Variants in NAV2 observed in about 807,000 individuals in gnomAD.
The protein encoded by NAV2 is neuron navigator 2, also known as helicase, APC down-regulated 1.
Under a neutral mutation model 223.2 loss-of-function variants are expected in NAV2, and 54 were observed. That is an observed-to-expected ratio of 0.24 (90% CI 0.19 to 0.30). NAV2 has a LOEUF of 0.30. Ranked by LOEUF, NAV2 falls within the 10% of genes least tolerant of loss-of-function variation. NAV2 has a pLI of 1.00. For synonymous variants in NAV2, 1,279 were observed against 1,239.3 expected (o/e 1.03, Z -0.67); for missense variants, 2,806 against 3,147.5 (o/e 0.89, Z 2.60).
intron 26 of NAV2, among the ~76,000 whole-genome samples, chr11:20,087,883 A>G (rs1390613101): frequency 1.3e-5 from 2 of 152,164 alleles, no homozygotes; most frequent in African/African-American, 2.4e-5. Context: ...GGAGTGAGTA[A>G]TGTACAAAGG....
At chr11:19,976,098 G>A (rs2049715426) in intron 10 of NAV2, among the ~76,000 whole-genome samples, 1 of 152,120 alleles carries the variant, frequency 6.6e-6, no homozygotes, top group Non-Finnish European at 1.5e-5. Flanking sequence ...AATATACGTA[G>A]AAGCACTTGC....
intron 1 of NAV2, among the ~76,000 whole-genome samples, chr11:19,495,006 C>T (rs1007401194): frequency 6.6e-6 from 1 of 152,132 alleles, no homozygotes; most frequent in Non-Finnish European, 1.5e-5. Flanking sequence ...GGTCAGGAAC[C>T]CCCTGACAGG....
At chr11:19,846,136 T>C (rs1214505892) in intron 3 of NAV2, among the ~76,000 whole-genome samples, 1 of 152,092 alleles carries the variant, frequency 6.6e-6, no homozygotes, top group Non-Finnish European at 1.5e-5. Flanking sequence ...CCACAAGAGA[T>C]GATGGGTGGA....
At chr11:19,994,439 C>T (rs927225374) in intron 11 of NAV2, among the ~76,000 whole-genome samples, 35 of 151,922 alleles carry the variant, frequency 2.3e-4, no homozygotes, top group African/African-American at 8.0e-4. Context: ...CCCAGCTGCG[C>T]AGCAGGCTGA....
chr11:19,731,065 T>C (rs1203694570), intron 1 of NAV2, among the ~76,000 whole-genome samples: 1 of 152,252 alleles, frequency 6.6e-6, no homozygotes, highest in Non-Finnish European at 1.5e-5. Flanking sequence ...GCATCCTCTA[T>C]TTTTATGTGC....
chr11:19,412,090 G>C (rs1347801058), intron 1 of NAV2, among the ~76,000 whole-genome samples: 1 of 152,138 alleles, frequency 6.6e-6, no homozygotes, highest in African/African-American at 2.4e-5. Context: ...CACTCCCCTG[G>C]AAAGGGAGCT....
intron 10 of NAV2, among the ~76,000 whole-genome samples, chr11:19,963,583 A>G (rs1419530238): frequency 6.6e-6 from 1 of 152,236 alleles, no homozygotes. Flanking sequence ...TGAGTTATGT[A>G]GGAACTGAAA....
intron 2 of NAV2, among the ~76,000 whole-genome samples, chr11:19,835,250 A>G (rs2060166348): frequency 6.6e-6 from 1 of 152,176 alleles, no homozygotes; most frequent in Non-Finnish European, 1.5e-5. Flanking sequence ...TGTCCAGGCC[A>G]CACCTGAGGC....
rs898044492 is a variant in NAV2 at position 19,452,838 on chromosome 11, T to C, written c.75+101811T>C. 2.8e-4 allele frequency among the ~76,000 whole-genome samples: 42 copies of C among 152,202 alleles called. 1 individual carries two copies. The highest frequency in any genetic ancestry group is 1.0e-3 in the African/African-American group (42 of 41,450). ...TTTGTACGATCATATAATCAAACCA[T>C]TGTAAGTCAGGGACCCTCTGTATTT... On this transcript the variant is annotated intron_variant, in intron 1 of 37. Coordinates refer to the NAV2 transcript ENST00000360655.
chr11:20,040,964 G>T (rs1001874612), intron 12 of NAV2, among the ~76,000 whole-genome samples: 3 of 152,194 alleles, frequency 2.0e-5, no homozygotes, highest in African/African-American at 7.2e-5. Context: ...AAGCTAGGGA[G>T]ATGTGATGGC....
chr11:20,040,925 T>C lies in NAV2; in HGVS notation c.2908-3056T>C, dbSNP rs777570295. On this transcript the variant is annotated intron_variant, in intron 12 of 37. Transcript: ENST00000349880. ...CATGTAGCTCATGAAGGATTCAGAG[T>C]AGAGCTGGGAAGGTGACCACCCTGG... Among the ~76,000 whole-genome samples the C allele has an allele frequency of 5.9e-5, 9 of 151,838 alleles. No homozygotes were observed. In the South Asian group the frequency reaches 1.7e-3, roughly 28 times the overall value.
At chr11:19,978,776 T>G (rs1206862232) in intron 10 of NAV2, 1 of 151,922 alleles carries the variant, frequency 6.6e-6, no homozygotes, top group Non-Finnish European at 1.5e-5. Context: ...AGAGGTGATT[T>G]CTGGTGAGAT....
At position 19,713,944 on chromosome 11, in the gene NAV2, A is replaced by G. The variant is rs1156289811; in HGVS notation, c.249A>G (p.Glu83=). 6.2e-7 allele frequency: 1 copy of G among 1,613,320 alleles called. No individual in the cohort carries two copies. The highest frequency in any genetic ancestry group is 8.5e-7 in the Non-Finnish European group (1 of 1,179,926). Residue 83 remains glutamate (E), a synonymous_variant, in exon 1 of 38, where the codon GAA becomes GAG. Coordinates refer to ENST00000349880, the MANE Select transcript of NAV2 (RefSeq NM_145117.5). This position sits in a 1 kb window ranked among gnomAD's most constrained non-coding sequence, Gnocchi z 7.2. ...CGCTGCGGAAGAGCGGCTCGGTGGAAAACGGGTTCGATACCCAGGTGAGAG... is the reference window on the plus strand; with the variant it reads ...CGCTGCGGAAGAGCGGCTCGGTGGAGAACGGGTTCGATACCCAGGTGAGAG... ...GLPLRKSGSV[E]NGFDTQIYTD...
chr11:19,493,348 T>A (rs776606637), intron 1 of NAV2, among the ~76,000 whole-genome samples: 1 of 152,232 alleles, frequency 6.6e-6, no homozygotes, highest in Non-Finnish European at 1.5e-5. Context: ...CATGATCTCA[T>A]AACTATGTAG....
At chr11:19,366,908 A>G (rs1277731170) in intron 1 of NAV2, among the ~76,000 whole-genome samples, 1 of 152,092 alleles carries the variant, frequency 6.6e-6, no homozygotes, top group African/African-American at 2.4e-5. Context: ...AGTTTAGGAG[A>G]TGCTATGATA....
intron 4 of NAV2, 135 bp from the exon 5 acceptor site, chr11:19,879,734 T>A: frequency 9.9e-7 from 1 of 1,006,140 alleles, no homozygotes; most frequent in Non-Finnish European, 1.5e-6. Context: ...TGATTTTAAT[T>A]GCCTGTGATA....
At chr11:19,568,023 C>T (rs2045322433) in intron 1 of NAV2, among the ~76,000 whole-genome samples, 1 of 152,202 alleles carries the variant, frequency 6.6e-6, no homozygotes, top group African/African-American at 2.4e-5. Context: ...GGTGCTTGTT[C>T]ACAGCTGTGA....
intron 1 of NAV2, among the ~76,000 whole-genome samples, chr11:19,414,624 CA>C (rs1330452952): frequency 6.6e-6 from 1 of 152,196 alleles, no homozygotes; most frequent in Non-Finnish European, 1.5e-5. Flanking sequence ...CTCTCCACCC[CA>C]AATCAACAGA....
intron 10 of NAV2, among the ~76,000 whole-genome samples, chr11:19,969,423 AG>A (rs1304626419): frequency 2.0e-5 from 3 of 152,150 alleles, no homozygotes; most frequent in Non-Finnish European, 4.4e-5. Flanking sequence ...TTATCTCTAA[AG>A]CAGATGCAAG....
Sources: gnomAD v4.1 joint callset for allele counts (sites outside exome capture counted in the v4.1 genomes callset) on GRCh38, gnomAD v4.1.1 for gene constraint, Gnocchi (gnomAD v3.1) non-coding constraint, MANE v1.5 for transcripts, NCBI Gene and HGNC (gene_info 2026-07-23, HGNC 2026-07-21) for gene names.